The following MGAM2 variants were observed in gnomAD, a reference collection of about 807,000 sequenced individuals.
MGAM2 encodes probable maltase-glucoamylase 2.
Under a neutral mutation model 96.1 loss-of-function variants are expected in MGAM2, and 98 were observed. That is an observed-to-expected ratio of 1.02 (90% CI 0.87 to 1.21). The LOEUF is 1.21. Among genes scored for constraint, MGAM2 ranks in the 50% most tolerant of loss-of-function variants. The pLI, the probability that MGAM2 is intolerant of heterozygous loss-of-function variation, is 0.00. For missense variants in MGAM2, 2,055 were observed against 1,182.4 expected, an observed-to-expected ratio of 1.74 and a Z score of -10.82; for synonymous variants, 749 against 414.8, an observed-to-expected ratio of 1.81 and a Z score of -9.79.
chr7:142,213,655 A>G (rs189459347), intron 46 of MGAM2, among the ~76,000 whole-genome samples: 3 of 152,312 alleles, frequency 2.0e-5, no homozygotes, highest in East Asian at 3.9e-4. Context: ...GACCAATAAC[A>G]AGGTCTGAAA....
At chr7:142,146,731 AT>A (rs61025497) in intron 14 of MGAM2, among the ~76,000 whole-genome samples, 27,218 of 144,988 alleles carry the variant, frequency 0.19, 2,530 homozygotes, top group East Asian at 0.26. Flanking sequence ...GTCACATCTT[AT>A]TTTTTTTTTT....
intron 17 of MGAM2, among the ~76,000 whole-genome samples, chr7:142,157,061 A>G (rs957742724): frequency 2.0e-5 from 3 of 152,226 alleles, no homozygotes; most frequent in African/African-American, 7.2e-5. Context: ...AATCTTTGGG[A>G]TAGGGAAAAT....
rs1296876333 is a variant in MGAM2 at position 142,171,259 on chromosome 7, T to C, written c.3183-13T>C. On this transcript the variant is annotated splice_polypyrimidine_tract_variant and intron_variant, in intron 27 of 47. Coordinates refer to ENST00000477922, the MANE Select transcript of MGAM2 (RefSeq NM_001293626.2). Reference sequence around the variant, plus strand: ...TGGTCTCCAGCTCAGCGTGATCTGCTTTTGTGTTGCAGTTGGGATTCTCAA... The same window carrying C: ...TGGTCTCCAGCTCAGCGTGATCTGCCTTTGTGTTGCAGTTGGGATTCTCAA... 2.8e-6 allele frequency: 2 copies of C among 702,322 alleles called. No individual in the cohort carries two copies. Among genetic ancestry groups the C allele is most frequent in the Non-Finnish European group, 5.2e-6 (2 of 384,432 alleles). 43.5% of individuals were successfully genotyped at this position (702,322 alleles called of 1,614,324 possible).
chr7:142,144,285 A>G (rs765591414), intron 13 of MGAM2, among the ~76,000 whole-genome samples: 1 of 152,218 alleles, frequency 6.6e-6, no homozygotes, highest in Non-Finnish European at 1.5e-5. Context: ...AATTTCTTCA[A>G]CAAATGTTCT....
intron 15 of MGAM2, 148 bp from the exon 16 acceptor site, chr7:142,153,870 G>A: frequency 2.2e-6 from 1 of 448,308 alleles, no homozygotes; most frequent in Non-Finnish European, 4.0e-6. Context: ...GAAGCTCTTA[G>A]ATAGTACTAA....
chr7:142,133,269 TAA>T (rs1794960508), intron 6 of MGAM2, among the ~76,000 whole-genome samples: 2 of 145,324 alleles, frequency 1.4e-5, no homozygotes, highest in African/African-American at 5.0e-5. Flanking sequence ...TAAAATTTAA[TAA>T]TATATATTTA....
At chr7:142,134,201 C>T (rs1219360118) in intron 7 of MGAM2, 49 bp downstream of exon 7, 2 of 674,700 alleles carry the variant, frequency 3.0e-6, no homozygotes, top group African/African-American at 1.8e-5. Context: ...GGATACCCTC[C>T]TTCCTTTCCT....
intron 26 of MGAM2, 115 bp downstream of exon 26, chr7:142,167,601 CTCCCACT>C (rs1796067408): frequency 3.1e-6 from 2 of 635,460 alleles, no homozygotes; most frequent in African/African-American, 3.6e-5. Flanking sequence ...AAGACAGGAT[CTCCCACT>C]GACACCCAGG....
chr7:142,171,572 G>C (rs1228660706), intron 28 of MGAM2, 132 bp downstream of exon 28: 2 of 460,548 alleles, frequency 4.3e-6, no homozygotes, highest in Non-Finnish European at 7.8e-6. Context: ...AGTTGTAATA[G>C]AGCACGTGTC....
rs1236224958 is a variant in MGAM2 at position 142,186,131 on chromosome 7, C to A, written c.4122+8C>A. On this transcript the variant is annotated splice_region_variant and intron_variant, in intron 35 of 47. Coordinates refer to ENST00000477922, the MANE Select transcript of MGAM2 (RefSeq NM_001293626.2). ...TTTGATGGATTGTGGATTGTAAGTGCACCCTTGGTTGTCTTTTTTTTTTTT... is the reference window on the plus strand; with the variant it reads ...TTTGATGGATTGTGGATTGTAAGTGAACCCTTGGTTGTCTTTTTTTTTTTT... 1.5e-6 allele frequency: 1 copy of A among 686,726 alleles called. No individual in the cohort carries two copies. The highest frequency in any genetic ancestry group is 1.8e-5 in the African/African-American group (1 of 54,486). The allele number at this position is 686,726 out of a possible 1,614,324, so 42.5% of individuals were successfully genotyped here. A position where few individuals can be genotyped will look rare whatever the true frequency, so the allele number is the denominator to read the frequency against.
At chr7:142,186,144 C>CT (rs111646116) in intron 35 of MGAM2, 21 bp downstream of exon 35, 25,030 of 603,202 alleles carry the variant, frequency 0.041, 1 homozygote, top group Non-Finnish European at 0.05. Flanking sequence ...CCTTGGTTGT[C>CT]TTTTTTTTTT....
intron 31 of MGAM2, among the ~76,000 whole-genome samples, chr7:142,173,582 G>T (rs1017301862): frequency 6.6e-6 from 1 of 152,040 alleles, no homozygotes; most frequent in Non-Finnish European, 1.5e-5. Flanking sequence ...AGTAATCAAC[G>T]TTAATAATTT....
intron 29 of MGAM2, among the ~76,000 whole-genome samples, chr7:142,172,416 C>T (rs932075369): frequency 1.4e-5 from 2 of 140,490 alleles, no homozygotes; most frequent in African/African-American, 5.4e-5. Flanking sequence ...CTGGCATAGC[C>T]TATTTTACTG....
At chr7:142,150,847 A>G (rs978954706) in intron 15 of MGAM2, among the ~76,000 whole-genome samples, 1 of 152,060 alleles carries the variant, frequency 6.6e-6, no homozygotes, top group Non-Finnish European at 1.5e-5. Flanking sequence ...TCACCTTTGC[A>G]TCTTCTTGTT....
intron 32 of MGAM2, among the ~76,000 whole-genome samples, chr7:142,179,350 T>A (rs1796469924): frequency 1.3e-5 from 2 of 152,084 alleles, no homozygotes; most frequent in South Asian, 4.1e-4. Flanking sequence ...CATTTAATTT[T>A]TTTCTCTTGC....
intron 46 of MGAM2, among the ~76,000 whole-genome samples, chr7:142,209,938 A>T (rs1428980795): frequency 6.6e-6 from 1 of 152,242 alleles, no homozygotes; most frequent in Non-Finnish European, 1.5e-5. Flanking sequence ...AAATAGGAAC[A>T]GCTCTGGCCT....
intron 12 of MGAM2, among the ~76,000 whole-genome samples, chr7:142,141,533 T>C (rs1795230433): frequency 6.6e-6 from 1 of 152,178 alleles, no homozygotes; most frequent in South Asian, 2.1e-4. Context: ...GGAGTTTCAC[T>C]TTTGTCACCC....
intron 6 of MGAM2, among the ~76,000 whole-genome samples, chr7:142,132,853 G>T (rs1794939517): frequency 8.0e-6 from 1 of 124,946 alleles, no homozygotes; most frequent in African/African-American, 3.2e-5. Context: ...TAAATATATA[G>T]ATATTATATA....
chr7:142,199,039 G>T (rs1181792180), intron 44 of MGAM2, among the ~76,000 whole-genome samples: 2 of 152,160 alleles, frequency 1.3e-5, no homozygotes, highest in African/African-American at 4.8e-5. Flanking sequence ...AAGGAATAGG[G>T]AATGTTAATG....
Sources: gnomAD v4.1 joint callset for allele counts (sites outside exome capture counted in the v4.1 genomes callset) on GRCh38, gnomAD v4.1.1 for gene constraint, MANE v1.5 for transcripts, NCBI Gene and HGNC (gene_info 2026-07-23, HGNC 2026-07-21) for gene names.